The following ZC3H12B variants were observed in gnomAD, a reference collection of about 807,000 sequenced individuals.
ZC3H12B encodes the protein probable ribonuclease ZC3H12B.
ZC3H12B carries 7 observed loss-of-function variants against 43.9 expected under a neutral mutation model. The ratio of observed to expected loss-of-function variants is 0.16; its 90% CI spans 0.09 to 0.30. ZC3H12B has a LOEUF of 0.30. Ranked by LOEUF, ZC3H12B falls within the 10% of genes least tolerant of loss-of-function variation. The probability of loss-of-function intolerance (pLI) is 1.00; values close to 1 mark genes in which losing one functional copy is unlikely to be tolerated. For missense variants in ZC3H12B, 475 were observed against 670.2 expected (o/e 0.71, Z 3.22); for synonymous variants, 222 against 241.7 (o/e 0.92, Z 0.76).
the ZC3H12B span, among the ~76,000 whole-genome samples, chrX:65,337,061 A>G: frequency 8.9e-6 from 1 of 112,047 alleles, no homozygotes; most frequent in East Asian, 2.8e-4. Flanking sequence ...AGTTCGGTCA[A>G]GCATTTTTGC....
At chrX:65,458,784 A>G (rs1302264316) in intron 3 of ZC3H12B, among the ~76,000 whole-genome samples, 1 of 111,765 alleles carries the variant, frequency 8.9e-6, no homozygotes, top group Non-Finnish European at 1.9e-5. Flanking sequence ...ACACCCTAAC[A>G]TCACAATTGA....
At chrX:65,294,130 A>G in the ZC3H12B span, among the ~76,000 whole-genome samples, 4 of 111,917 alleles carry the variant, frequency 3.6e-5, no homozygotes, top group Admixed American at 3.8e-4. Flanking sequence ...CTATAAAGGA[A>G]AACCTATCAG....
the ZC3H12B span, among the ~76,000 whole-genome samples, chrX:65,274,717 C>T: frequency 9.1e-6 from 1 of 110,411 alleles, no homozygotes; most frequent in Non-Finnish European, 1.9e-5. Context: ...CCCCACAGCC[C>T]CACAGCACCC....
At chrX:65,488,596 C>T, upstream of ZC3H12B, 1 of 358,220 alleles carries the variant, frequency 2.8e-6, no homozygotes, top group Admixed American at 5.6e-5. Context: ...TTCTAAAATG[C>T]TTTTCCTAAA....
the ZC3H12B span, among the ~76,000 whole-genome samples, chrX:65,160,146 G>A: frequency 8.9e-6 from 1 of 111,749 alleles, no homozygotes; most frequent in Admixed American, 9.5e-5. Context: ...TTTTTGATGT[G>A]CTGCTGGATT....
intron 3 of ZC3H12B, among the ~76,000 whole-genome samples, chrX:65,461,235 G>A (rs1252438950): frequency 8.9e-6 from 1 of 112,011 alleles, no homozygotes; most frequent in African/African-American, 3.2e-5. Flanking sequence ...TGGAGAAATA[G>A]GAACACTTTT....
the ZC3H12B span, among the ~76,000 whole-genome samples, chrX:65,144,745 G>GAGC: frequency 6.3e-5 from 7 of 111,251 alleles, no homozygotes; most frequent in Admixed American, 1.9e-4. Context: ...GATCATTCAG[G>GAGC]AGCAGGTTAT....
chrX:65,035,767 C>T, the ZC3H12B span, among the ~76,000 whole-genome samples: 2 of 111,015 alleles, frequency 1.8e-5, no homozygotes, highest in African/African-American at 6.6e-5. Flanking sequence ...TAAGACCTCC[C>T]GAAAGCCTTG....
the ZC3H12B span, among the ~76,000 whole-genome samples, chrX:65,045,303 C>G: frequency 8.9e-6 from 1 of 112,127 alleles, no homozygotes; most frequent in Non-Finnish European, 1.9e-5. Context: ...TGCTTGACAA[C>G]ATTTTACCCA....
At chrX:65,142,833 T>C in the ZC3H12B span, among the ~76,000 whole-genome samples, 233 of 112,412 alleles carry the variant, frequency 2.1e-3, 1 homozygote, top group African/African-American at 7.1e-3. Context: ...ATTTCTGGGT[T>C]CTATATTCTG....
chrX:65,265,151 CGTAA>C, the ZC3H12B span, among the ~76,000 whole-genome samples: 2 of 111,891 alleles, frequency 1.8e-5, no homozygotes, highest in African/African-American at 3.2e-5. Context: ...TATCTTCTGA[CGTAA>C]GTAATATTAT....
chrX:65,130,969 C>T, the ZC3H12B span, among the ~76,000 whole-genome samples: 1 of 111,950 alleles, frequency 8.9e-6, no homozygotes, highest in Non-Finnish European at 1.9e-5. Context: ...GTAAAGTGGT[C>T]TTGAGAAGAG....
chrX:65,285,121 T>G, the ZC3H12B span, among the ~76,000 whole-genome samples: 8 of 109,950 alleles, frequency 7.3e-5, no homozygotes, highest in African/African-American at 2.6e-4. Flanking sequence ...TTATTATTAT[T>G]ATTATTATTA....
chrX:65,406,278 T>TAA (rs1286367904), intron 3 of ZC3H12B, among the ~76,000 whole-genome samples: 3 of 101,044 alleles, frequency 3.0e-5, no homozygotes, highest in Admixed American at 2.1e-4. Context: ...AATGTTACAT[T>TAA]AAAAAAAAAA....
chrX:65,071,609 T>G, the ZC3H12B span, among the ~76,000 whole-genome samples: 1 of 112,028 alleles, frequency 8.9e-6, no homozygotes, highest in Non-Finnish European at 1.9e-5. Flanking sequence ...TTTTGATATA[T>G]AGTGTTTCCT....
At chrX:65,460,877 A>G (rs1178579496) in intron 3 of ZC3H12B, among the ~76,000 whole-genome samples, 1 of 111,848 alleles carries the variant, frequency 8.9e-6, no homozygotes, top group Non-Finnish European at 1.9e-5. Context: ...ATTAAACTAA[A>G]GAGCTTCTGC....
intron 3 of ZC3H12B, among the ~76,000 whole-genome samples, chrX:65,482,357 A>G (rs1415834881): frequency 9.0e-6 from 1 of 111,229 alleles, no homozygotes; most frequent in African/African-American, 3.3e-5. Context: ...AACTTCACCA[A>G]TGAATCATAG....
chrX:65,453,449 G>A (rs916759904), intron 3 of ZC3H12B, among the ~76,000 whole-genome samples: 10 of 96,337 alleles, frequency 1.0e-4, no homozygotes, highest in African/African-American at 3.4e-4. Context: ...GACCAGGTGC[G>A]GTTGCTCATG....
chrX:65,374,009 A>ATAT, intron 2 of ZC3H12B, among the ~76,000 whole-genome samples: 1 of 25,145 alleles, frequency 4.0e-5, no homozygotes, highest in East Asian at 9.8e-4. Context: ...ATATATATAT[A>ATAT]ACTATATATA....
Sources: gnomAD v4.1 joint callset for allele counts (sites outside exome capture counted in the v4.1 genomes callset) on GRCh38, gnomAD v4.1.1 for gene constraint, MANE v1.5 for transcripts, NCBI Gene and HGNC (gene_info 2026-07-23, HGNC 2026-07-21) for gene names.